Variants in SLCO1C1 observed in about 807,000 individuals in gnomAD.
SLCO1C1 encodes the protein solute carrier organic anion transporter family member 1C1, also known as OAT-RP-5.
A neutral mutation model predicts 76.4 loss-of-function variants in SLCO1C1; 70 were observed. The ratio of observed to expected loss-of-function variants is 0.92; its 90% CI spans 0.76 to 1.12. The LOEUF (loss-of-function observed/expected upper bound fraction) is 1.12, where lower values mean the gene tolerates loss of function less well. Ranked by LOEUF, SLCO1C1 falls within the 50% of genes most tolerant of loss-of-function variation. SLCO1C1 has a pLI of 0.00. For missense variants in SLCO1C1, 912 were observed against 823.8 expected, an observed-to-expected ratio of 1.11 and a Z score of -1.31; for synonymous variants, 306 against 286.1, an observed-to-expected ratio of 1.07 and a Z score of -0.70.
At chr12:20,721,619 G>A (rs1947676062) in intron 7 of SLCO1C1, among the ~76,000 whole-genome samples, 185 bp from the exon 8 acceptor site, 1 of 151,906 alleles carries the variant, frequency 6.6e-6, no homozygotes, top group Non-Finnish European at 1.5e-5. Context: ...GTGGTCTGGA[G>A]CTGAACCTGC....
intron 9 of SLCO1C1, among the ~76,000 whole-genome samples, chr12:20,724,019 T>C (rs1453757220): frequency 6.6e-6 from 1 of 152,144 alleles, no homozygotes; most frequent in Non-Finnish European, 1.5e-5. Flanking sequence ...TTAGGAGATA[T>C]AATTTTTCTA....
chr12:20,739,285 G>C (rs1024059549), intron 11 of SLCO1C1, among the ~76,000 whole-genome samples: 1 of 152,026 alleles, frequency 6.6e-6, no homozygotes, highest in Admixed American at 6.6e-5. Context: ...TGTTGGGAAA[G>C]TATGTTTTAA....
At chr12:20,724,317 T>C (rs1947823383) in intron 9 of SLCO1C1, among the ~76,000 whole-genome samples, 2 of 150,800 alleles carry the variant, frequency 1.3e-5, no homozygotes, top group East Asian at 1.9e-4. Flanking sequence ...CTTTTATGTC[T>C]ACATTGAGAT....
intron 13 of SLCO1C1, among the ~76,000 whole-genome samples, chr12:20,749,363 C>T (rs1209138325): frequency 6.6e-6 from 1 of 152,132 alleles, no homozygotes; most frequent in East Asian, 1.9e-4. Context: ...GTGGTGGACT[C>T]CAAGTGTAGG....
At chr12:20,706,118 A>C (rs1466339721) in intron 4 of SLCO1C1, 37 bp downstream of exon 4, 1 of 1,560,326 alleles carries the variant, frequency 6.4e-7, no homozygotes, top group East Asian at 2.4e-5. Context: ...TTGCCTTTCC[A>C]AACAACTGCA....
intron 2 of SLCO1C1, chr12:20,699,963 G>A: frequency 3.4e-6 from 1 of 296,966 alleles, no homozygotes; most frequent in South Asian, 1.2e-4. Flanking sequence ...AGTATTTATT[G>A]AACTTCTGCC....
At chr12:20,740,622 A>G (rs181143347) in intron 12 of SLCO1C1, among the ~76,000 whole-genome samples, 2 of 151,684 alleles carry the variant, frequency 1.3e-5, no homozygotes, top group Admixed American at 6.6e-5. Flanking sequence ...ACATCACTAG[A>G]GTTGCTTAAT....
chr12:20,749,388 G>A (rs1204576403), intron 13 of SLCO1C1, among the ~76,000 whole-genome samples: 1 of 152,164 alleles, frequency 6.6e-6, no homozygotes, highest in Non-Finnish European at 1.5e-5. Context: ...GGTTGGGGGA[G>A]TGAGGCAGCT....
chr12:20,729,180 T>C (rs1024017767), intron 9 of SLCO1C1, among the ~76,000 whole-genome samples: 3 of 152,144 alleles, frequency 2.0e-5, no homozygotes, highest in African/African-American at 7.2e-5. Context: ...AAACACATCT[T>C]ATATGATGTG....
intron 9 of SLCO1C1, among the ~76,000 whole-genome samples, chr12:20,731,292 A>G (rs1321321950): frequency 6.6e-6 from 1 of 152,104 alleles, no homozygotes; most frequent in African/African-American, 2.4e-5. Flanking sequence ...CACAATATAT[A>G]TTTTTTAAAT....
At chr12:20,741,492 A>C (rs548266399) in intron 12 of SLCO1C1, among the ~76,000 whole-genome samples, 134 of 152,252 alleles carry the variant, frequency 8.8e-4, no homozygotes, top group African/African-American at 3.2e-3. Flanking sequence ...AATGGGACCT[A>C]AAAAATAGTG....
chr12:20,696,009 G>C (rs1946248858), intron 1 of SLCO1C1, among the ~76,000 whole-genome samples: 1 of 152,030 alleles, frequency 6.6e-6, no homozygotes, highest in African/African-American at 2.4e-5. Context: ...TTCAAATTTT[G>C]AGTCTCATGC....
chr12:20,719,046 A>C (rs1223122497), intron 7 of SLCO1C1, among the ~76,000 whole-genome samples: 9 of 151,690 alleles, frequency 5.9e-5, no homozygotes, highest in Admixed American at 5.9e-4. Flanking sequence ...GCATGTGTTC[A>C]CTTTGGGTCT....
At chr12:20,724,439 ATATATATATATATG>A (rs1324864750) in intron 9 of SLCO1C1, among the ~76,000 whole-genome samples, 1,680 of 115,772 alleles carry the variant, frequency 0.015, 17 homozygotes, top group South Asian at 0.044. Context: ...ATATATATAT[ATATATATATATATG>A]TGTGTGTGTG....
intron 7 of SLCO1C1, among the ~76,000 whole-genome samples, chr12:20,717,866 C>T (rs1315460347): frequency 1.3e-5 from 2 of 151,176 alleles, no homozygotes; most frequent in African/African-American, 4.9e-5. Context: ...AAATAGATGG[C>T]ATTTGTCAGT....
intron 1 of SLCO1C1, chr12:20,697,600 T>C (rs776436070): frequency 5.9e-5 from 9 of 152,082 alleles, no homozygotes; most frequent in Non-Finnish European, 1.3e-4. Flanking sequence ...TAAACTTTGT[T>C]TTTTAAATCA....
chr12:20,715,151 AC>A lies in SLCO1C1; in HGVS notation c.543del (p.Asp181GlufsTer19). On this transcript the variant is annotated frameshift_variant, in exon 6 of 15. Transcript: ENST00000266509. LOFTEE classifies it high-confidence loss of function. ...KSKISNECEV[D>X]TSSSMWIYVF... is the part of the protein sequence containing the mutation. ...CCTTTCTTTCAAGAATGTGAAGTGG[AC>A]ACTAGCTCTTCCATGTGGATTTATG... 6.2e-7 allele frequency: 1 copy of A among 1,613,990 alleles called. No individual in the cohort carries two copies. Among genetic ancestry groups the A allele is most frequent in the Non-Finnish European group, 8.5e-7 (1 of 1,179,922 alleles).
Position 20,721,804 on chromosome 12 carries a change from A to T in SLCO1C1, c.776A>T (p.Asp259Val). 1 of 1,613,898 alleles carries T rather than the reference A, an allele frequency of 6.2e-7. No individual in the cohort carries two copies. Among genetic ancestry groups the T allele is most frequent in the Non-Finnish European group, 8.5e-7 (1 of 1,179,862 alleles). The change falls in exon 8 of 15, where the codon GAT becomes GTT. Residue 259 changes from aspartate to valine, a missense_variant and splice_region_variant. Physicochemically the swap from Asp to Val is radical, Grantham distance 152. Transcript: ENST00000266509. ...LYVDIGFVNL[D>V]HITITPKDPQ... Reference sequence around the variant, plus strand: ...CTTAGCCATCCCCTCTGTCTTTCAGATCACATAACCATTACCCCAAAAGAT... The same window carrying T: ...CTTAGCCATCCCCTCTGTCTTTCAGTTCACATAACCATTACCCCAAAAGAT...
intron 11 of SLCO1C1, among the ~76,000 whole-genome samples, chr12:20,738,835 T>C (rs1267959301): frequency 6.6e-6 from 1 of 152,168 alleles, no homozygotes; most frequent in African/African-American, 2.4e-5. Context: ...ACTGAGGCAC[T>C]GAGATACAAA....
Sources: gnomAD v4.1 joint callset for allele counts (sites outside exome capture counted in the v4.1 genomes callset) on GRCh38, gnomAD v4.1.1 for gene constraint, MANE v1.5 for transcripts, NCBI Gene and HGNC (gene_info 2026-07-23, HGNC 2026-07-21) for gene names.